TULP2: variants seen among roughly 807,000 people sequenced by gnomAD.
TULP2 encodes tubby-related protein 2.
Under a neutral mutation model 60.3 loss-of-function variants are expected in TULP2, and 64 were observed. The observed-to-expected ratio is 1.06, with a 90% CI of 0.87 to 1.31. TULP2 has a LOEUF of 1.31. Among genes scored for constraint, TULP2 ranks in the 50% most tolerant of loss-of-function variants. TULP2 has a pLI of 0.00. For synonymous variants in TULP2, 267 were observed against 265.4 expected, an observed-to-expected ratio of 1.01 and a Z score of -0.06; for missense variants, 652 against 667.0, an observed-to-expected ratio of 0.98 and a Z score of 0.25.
rs58640342 is a variant in TULP2 at position 48,887,311 on chromosome 19, CTTTTTTTTTTTTTTTTTT to C, written c.948+621_948+638del. On this transcript the variant is annotated intron_variant, in intron 8 of 12. Transcript: ENST00000221399. The stretch of plus-strand genomic sequence containing the variant: ...CAAGTGTGAGCCACCGCGCCCAGCC[CTTTTTTTTTTTTTTTTTT>C]TTTTTTTTTTTTTTATGCAGAGTCT... 2.5e-4 allele frequency among the ~76,000 whole-genome samples: 10 copies of C among 39,330 alleles called. No homozygotes were observed. In the East Asian group the frequency reaches 7.0e-3, roughly 28 times the overall value. 25.8% of individuals were successfully genotyped at this position (39,330 alleles called of 152,430 possible).
Position 48,888,058 on chromosome 19 carries a change from C to T in TULP2, c.840G>A (p.Ala280=), listed in dbSNP as rs34903808. 4.7e-5 allele frequency: 76 copies of T among 1,614,038 alleles called. No homozygotes were observed. The highest frequency in any genetic ancestry group is 5.6e-5 in the Non-Finnish European group (66 of 1,180,046). Residue 280 remains alanine, a synonymous_variant, in exon 8 of 13, where the codon GCG becomes GCA. Coordinates refer to ENST00000221399, the MANE Select transcript of TULP2 (RefSeq NM_003323.3). ...EDMEAYVLRP[A]LPGTMMQCYL... ...AGCACTGCATCATGGTGCCCGGGAG[C>T]GCTGGCCGCAGCACGTAGGCTTCCA...
chr19:48,896,292 T>C, intron 4 of TULP2, 138 bp downstream of exon 4: 3 of 1,261,596 alleles, frequency 2.4e-6, no homozygotes, highest in South Asian at 3.4e-5. Flanking sequence ...GTTCTAAAGC[T>C]CTCCTGGGCC....
chr19:48,886,560 T>C (rs2037180986), intron 8 of TULP2, among the ~76,000 whole-genome samples: 1 of 151,872 alleles, frequency 6.6e-6, no homozygotes, highest in African/African-American at 2.4e-5. Flanking sequence ...AAAAAACCTC[T>C]TTCTAGGGGG....
chr19:48,881,357 G>C, intron 12 of TULP2, among the ~76,000 whole-genome samples: 1 of 146,182 alleles, frequency 6.8e-6, no homozygotes, highest in African/African-American at 2.5e-5. Flanking sequence ...TTACAGGCAT[G>C]TGCCACCACG....
At position 48,887,939 on chromosome 19, in the gene TULP2, G is replaced by A; in HGVS notation, c.948+11C>T. On this transcript the variant is annotated intron_variant, in intron 8 of 12. Transcript: ENST00000221399. ...GCTTACTCCCAAAGCTGTTGGGCTG[G>A]CTTACTGCACCTGCAGGCTGTCAGA... 1.9e-6 allele frequency: 3 copies of A among 1,604,204 alleles called. No homozygotes were observed. The highest frequency in any genetic ancestry group is 2.2e-5 in the East Asian group (1 of 44,594).
In TULP2 at chr19:48,881,232, C is replaced by CA. The variant is rs1157473604; in HGVS notation, c.1448-107dup. 1.1e-5 allele frequency: 7 copies of CA among 650,118 alleles called. No individual in the cohort carries two copies. The Admixed American group carries it at 1.1e-4, about 10-fold the overall frequency. 40.3% of individuals were successfully genotyped at this position (650,118 alleles called of 1,614,324 possible). ...TTTTCTTTTTTTTTTTTTTTTGAGA[C>CA]AGAGTCTTGCTCTGTCGCCCAGGCT... On this transcript the variant is annotated intron_variant, in intron 12 of 12. Coordinates refer to ENST00000221399, the MANE Select transcript of TULP2 (RefSeq NM_003323.3).
rs2122146590 is a variant in TULP2, at chr19:48,897,470, A to T, written c.33-74T>A. ...GCCCAAGAGAGTCCCTCCTTCCCCC[A>T]TCCTGCCCCTATCTCAGCTTGGGTT... On this transcript the variant is annotated intron_variant, in intron 2 of 12. Coordinates refer to ENST00000221399, the MANE Select transcript of TULP2 (RefSeq NM_003323.3). This position sits in a 1 kb window ranked among gnomAD's most constrained non-coding sequence, Gnocchi z 4.0. 10 of 1,485,230 alleles carry T rather than the reference A, an allele frequency of 6.7e-6. No homozygotes were observed. The highest frequency in any genetic ancestry group is 1.4e-5 in the African/African-American group (1 of 71,754). 92.0% of individuals were successfully genotyped at this position (1,485,230 alleles called of 1,614,324 possible). A position where few individuals can be genotyped will look rare whatever the true frequency, so the allele number is the denominator to read the frequency against.
Position 48,887,311 on chromosome 19 carries a change from C to CTTTTTTTTTTT in TULP2, c.948+628_948+638dup, listed in dbSNP as rs58640342. ...CAAGTGTGAGCCACCGCGCCCAGCC[C>CTTTTTTTTTTT]TTTTTTTTTTTTTTTTTTTTTTTTT... is the stretch of plus-strand genomic sequence containing the variant. On this transcript the variant is annotated intron_variant, in intron 8 of 12. Coordinates refer to ENST00000221399, the MANE Select transcript of TULP2 (RefSeq NM_003323.3). Among the ~76,000 whole-genome samples the CTTTTTTTTTTT allele has an allele frequency of 7.0e-3, 277 of 39,368 alleles. 68 individuals are homozygous for CTTTTTTTTTTT. Among genetic ancestry groups the CTTTTTTTTTTT allele is most frequent in the Non-Finnish European group, 0.012 (237 of 19,328 alleles). 25.8% of individuals were successfully genotyped at this position (39,368 alleles called of 152,430 possible).
chr19:48,892,924 C>CA (rs143051860), intron 6 of TULP2, among the ~76,000 whole-genome samples: 4,562 of 129,714 alleles, frequency 0.035, 214 homozygotes, highest in African/African-American at 0.12. Context: ...GACTCCGTCT[C>CA]AAAAAAAAAA....
intron 5 of TULP2, 83 bp downstream of exon 5, chr19:48,895,283 A>G: frequency 6.3e-7 from 1 of 1,581,946 alleles, no homozygotes; most frequent in Non-Finnish European, 8.6e-7. Flanking sequence ...AGTATTTTGG[A>G]CAGATGGATT....
chr19:48,887,875 T>A (rs1599993629), intron 8 of TULP2, 75 bp downstream of exon 8: 3 of 1,514,946 alleles, frequency 2.0e-6, no homozygotes, highest in Non-Finnish European at 2.7e-6. Context: ...GGTCTTGACC[T>A]AGCTCAGAAA....
chr19:48,891,158 CAAAAAAA>C (rs564693397), intron 6 of TULP2, among the ~76,000 whole-genome samples: 5 of 113,290 alleles, frequency 4.4e-5, no homozygotes, highest in African/African-American at 6.5e-5. Flanking sequence ...ACTAAAAATA[CAAAAAAA>C]AAAAAAAAAT....
chr19:48,894,374 G>A (rs1051932272), intron 6 of TULP2, among the ~76,000 whole-genome samples: 60 of 152,010 alleles, frequency 3.9e-4, no homozygotes, highest in African/African-American at 1.4e-3. Flanking sequence ...CAGGCATGAT[G>A]GTTTATGCCT....
chr19:48,896,340 A>T (rs1372639680), intron 4 of TULP2, 90 bp downstream of exon 4: 1 of 1,465,502 alleles, frequency 6.8e-7, no homozygotes, highest in South Asian at 1.4e-5. Context: ...CCCCACCCTA[A>T]GGCTCCACCC....
At chr19:48,896,114 C>T (rs2037276448) in intron 4 of TULP2, among the ~76,000 whole-genome samples, 1 of 152,088 alleles carries the variant, frequency 6.6e-6, no homozygotes, top group Admixed American at 6.6e-5. Flanking sequence ...TCCCAGGCTC[C>T]ACCACCGAGC....
intron 7 of TULP2, 65 bp from the exon 8 acceptor site, chr19:48,888,326 T>A: frequency 6.7e-7 from 1 of 1,499,778 alleles, no homozygotes; most frequent in Non-Finnish European, 9.0e-7. Context: ...TACTACTGAT[T>A]GACCATCCCA....
At chr19:48,882,939 G>A (rs547836752) in intron 11 of TULP2, among the ~76,000 whole-genome samples, 3 of 152,326 alleles carry the variant, frequency 2.0e-5, no homozygotes, top group South Asian at 4.1e-4. Flanking sequence ...AGAGGTTACT[G>A]CCGGGCACGG....
chr19:48,896,354 C>T, intron 4 of TULP2, 76 bp downstream of exon 4: 1 of 1,491,126 alleles, frequency 6.7e-7, no homozygotes, highest in Non-Finnish European at 8.9e-7. Context: ...TCCACCCCTT[C>T]ATCCACTAGG....
chr19:48,884,091 C>A (rs1057396731), intron 9 of TULP2, 45 bp from the exon 10 acceptor site: 1 of 1,513,180 alleles, frequency 6.6e-7, no homozygotes, highest in African/African-American at 1.4e-5. Context: ...CTAAGTGTTA[C>A]TCTTTGAGTA....
Sources: allele counts gnomAD v4.1 joint callset (sites outside exome capture counted in the v4.1 genomes callset), GRCh38; gene constraint gnomAD v4.1.1; non-coding constraint Gnocchi (gnomAD v3.1); transcripts MANE v1.5; gene names NCBI Gene and HGNC (gene_info 2026-07-23, HGNC 2026-07-21).